Variants in PTPRD observed in about 807,000 individuals in gnomAD.
PTPRD encodes the protein receptor-type tyrosine-protein phosphatase delta.
Under a neutral mutation model 214.5 loss-of-function variants are expected in PTPRD, and 34 were observed. That is an observed-to-expected ratio of 0.16 (90% CI 0.12 to 0.21). PTPRD has a LOEUF of 0.21. Among genes scored for constraint, PTPRD ranks in the 10% least tolerant of loss-of-function variants. The probability of loss-of-function intolerance (pLI) is 1.00; values close to 1 mark genes in which losing one functional copy is unlikely to be tolerated. For synonymous variants in PTPRD, 1,128 were observed against 845.7 expected, an observed-to-expected ratio of 1.33 and a Z score of -5.79; for missense variants, 2,545 against 2,398.7, an observed-to-expected ratio of 1.06 and a Z score of -1.27.
intron 3 of PTPRD, among the ~76,000 whole-genome samples, chr9:10,109,584 A>G (rs914108762): frequency 3.3e-5 from 5 of 152,146 alleles, no homozygotes; most frequent in Non-Finnish European, 7.3e-5. Context: ...TCTATTTCAG[A>G]TTTTCTACTA....
intron 11 of PTPRD, among the ~76,000 whole-genome samples, chr9:8,950,121 C>T (rs756919509): frequency 3.9e-5 from 6 of 152,092 alleles, no homozygotes; most frequent in Non-Finnish European, 5.9e-5. Flanking sequence ...ACTTGGCCAA[C>T]ATGAAAATAC....
chr9:8,796,835 T>C (rs1357575727), intron 11 of PTPRD, among the ~76,000 whole-genome samples: 1 of 152,168 alleles, frequency 6.6e-6, no homozygotes, highest in Non-Finnish European at 1.5e-5. Flanking sequence ...CTTTCATTGG[T>C]AAACTCAAAC....
chr9:9,545,238 A>C (rs1195670158), intron 8 of PTPRD, among the ~76,000 whole-genome samples: 2 of 151,712 alleles, frequency 1.3e-5, no homozygotes, highest in African/African-American at 4.8e-5. Flanking sequence ...AACGACACAC[A>C]CTTGCCACTG....
At position 10,560,109 on chromosome 9, in the gene PTPRD, G is replaced by A. The variant is rs190257977; in HGVS notation, c.-600+52289C>T. ...TGTTGCTATAAAAACACATGCACAC[G>A]TATGTTTATCGCGGCACTATTCACA... On this transcript the variant is annotated intron_variant, in intron 2 of 45. Coordinates refer to ENST00000381196, the MANE Select transcript of PTPRD (RefSeq NM_002839.4). Among the ~76,000 whole-genome samples the A allele has an allele frequency of 9.1e-4, 138 of 152,160 alleles. 1 individual carries two copies. In the East Asian group the frequency reaches 0.011, roughly 13 times the overall value.
At chr9:8,333,404 G>T (rs1048568400) in intron 43 of PTPRD, among the ~76,000 whole-genome samples, 3 of 151,904 alleles carry the variant, frequency 2.0e-5, no homozygotes, top group Non-Finnish European at 4.4e-5. Context: ...AAGGTTACCT[G>T]TTTAACAATA....
intron 5 of PTPRD, among the ~76,000 whole-genome samples, chr9:9,875,526 C>A (rs943037038): frequency 6.6e-6 from 1 of 152,072 alleles, no homozygotes; most frequent in Non-Finnish European, 1.5e-5. Context: ...GCTTTACTCT[C>A]AGGACCACCA....
intron 2 of PTPRD, among the ~76,000 whole-genome samples, chr9:10,500,333 A>C: frequency 6.6e-6 from 1 of 152,026 alleles, no homozygotes; most frequent in Admixed American, 6.6e-5. Context: ...TTTTCCAAGA[A>C]AAACACAAGA....
chr9:9,114,512 G>C (rs1313837512), intron 10 of PTPRD, among the ~76,000 whole-genome samples: 4 of 151,948 alleles, frequency 2.6e-5, no homozygotes, highest in Non-Finnish European at 4.4e-5. Flanking sequence ...ATTTCATCTT[G>C]GCTAACACTT....
At chr9:9,783,527 T>G (rs2098882237) in intron 5 of PTPRD, among the ~76,000 whole-genome samples, 1 of 152,170 alleles carries the variant, frequency 6.6e-6, no homozygotes, top group South Asian at 2.1e-4. Context: ...GAATAGCCAC[T>G]GATGTGGGAA....
intron 11 of PTPRD, among the ~76,000 whole-genome samples, chr9:8,963,793 T>C (rs144168164): frequency 7.0e-6 from 1 of 143,198 alleles, no homozygotes; most frequent in Non-Finnish European, 1.6e-5. Flanking sequence ...TAATTATTTT[T>C]TGTAGAGATG....
At chr9:9,212,685 T>C (rs1183821700) in intron 9 of PTPRD, among the ~76,000 whole-genome samples, 1 of 152,186 alleles carries the variant, frequency 6.6e-6, no homozygotes, top group African/African-American at 2.4e-5. Flanking sequence ...CATTCACAGA[T>C]TTAATGAGTA....
At chr9:10,313,626 T>C (rs995594857) in intron 3 of PTPRD, among the ~76,000 whole-genome samples, 1 of 151,950 alleles carries the variant, frequency 6.6e-6, no homozygotes, top group Non-Finnish European at 1.5e-5. Context: ...CAGGTTGGAA[T>C]CTGGCATAAA....
intron 5 of PTPRD, among the ~76,000 whole-genome samples, chr9:9,882,688 C>T (rs530288106): frequency 2.3e-4 from 35 of 152,218 alleles, no homozygotes; most frequent in Non-Finnish European, 4.4e-4. Flanking sequence ...TCTTTATGTT[C>T]CTGTTAAGGA....
intron 7 of PTPRD, among the ~76,000 whole-genome samples, chr9:9,720,434 G>A (rs192656848): frequency 2.6e-5 from 4 of 152,212 alleles, no homozygotes; most frequent in African/African-American, 4.8e-5. Context: ...TATGTCACTA[G>A]GCGTTTTACA....
intron 2 of PTPRD, among the ~76,000 whole-genome samples, chr9:10,517,200 C>T (rs1044227035): frequency 1.3e-4 from 19 of 151,900 alleles, no homozygotes; most frequent in African/African-American, 4.3e-4. Flanking sequence ...AATTCATGAA[C>T]ATGGGATGTA....
At chr9:10,018,430 C>A (rs1291935264) in intron 4 of PTPRD, among the ~76,000 whole-genome samples, 3 of 149,884 alleles carry the variant, frequency 2.0e-5, no homozygotes, top group Admixed American at 6.7e-5. Flanking sequence ...TCATGTTTAT[C>A]GTGTGATACA....
chr9:8,405,956 T>TTA (rs140308698), intron 35 of PTPRD, among the ~76,000 whole-genome samples: 4,326 of 152,216 alleles, frequency 0.028, 202 homozygotes, highest in African/African-American at 0.099. Context: ...GTCAAGTCTG[T>TTA]TAGTAGTCTT....
intron 7 of PTPRD, among the ~76,000 whole-genome samples, chr9:9,615,303 A>T (rs1039747293): frequency 6.6e-6 from 1 of 152,030 alleles, no homozygotes; most frequent in Non-Finnish European, 1.5e-5. Context: ...ACTACCTTGC[A>T]CTTCACACCG....
intron 9 of PTPRD, among the ~76,000 whole-genome samples, chr9:9,231,757 G>C (rs563058743): frequency 2.0e-5 from 3 of 151,858 alleles, no homozygotes; most frequent in African/African-American, 4.8e-5. Context: ...TATACTTTAA[G>C]TTATAGGGTA....
Sources: allele counts gnomAD v4.1 joint callset (sites outside exome capture counted in the v4.1 genomes callset), GRCh38; gene constraint gnomAD v4.1.1; transcripts MANE v1.5; gene names NCBI Gene and HGNC (gene_info 2026-07-23, HGNC 2026-07-21).